Variants in SORBS2 observed in about 807,000 individuals in gnomAD.
SORBS2 encodes the protein sorbin and SH3 domain containing 2, also known as sorbin and SH3 domain-containing protein 2.
In SORBS2, 46 loss-of-function variants were observed where a neutral mutation model predicts 97.7. That is an observed-to-expected ratio of 0.47 (90% CI 0.37 to 0.60). SORBS2 has a LOEUF of 0.60. SORBS2 is among the 20% of genes least tolerant of loss of function. The probability of loss-of-function intolerance (pLI) is 0.00; values close to 1 mark genes in which losing one functional copy is unlikely to be tolerated. For synonymous variants in SORBS2, 476 were observed against 473.4 expected, an observed-to-expected ratio of 1.01 and a Z score of -0.07; for missense variants, 1,316 against 1,282.3, an observed-to-expected ratio of 1.03 and a Z score of -0.40.
At chr4:185,679,993 TG>T (rs2097847656) in intron 2 of SORBS2, among the ~76,000 whole-genome samples, 1 of 152,174 alleles carries the variant, frequency 6.6e-6, no homozygotes, top group African/African-American at 2.4e-5. Flanking sequence ...CCAGCTCAGG[TG>T]AGCTAGAGAA....
intron 2 of SORBS2, among the ~76,000 whole-genome samples, chr4:185,694,204 C>G (rs1404700220): frequency 1.3e-5 from 2 of 152,334 alleles, no homozygotes; most frequent in East Asian, 3.9e-4. Context: ...AATCTAATCT[C>G]TTTTGTTCTG....
At chr4:185,614,319 G>A (rs1049392188) in intron 11 of SORBS2, among the ~76,000 whole-genome samples, 6 of 151,428 alleles carry the variant, frequency 4.0e-5, no homozygotes, top group Non-Finnish European at 4.4e-5. Flanking sequence ...GAGAAATTTG[G>A]GTCAATTATG....
chr4:185,656,280 G>A (rs1205748089), intron 1 of SORBS2, among the ~76,000 whole-genome samples: 1 of 152,016 alleles, frequency 6.6e-6, no homozygotes. Flanking sequence ...TTACTTTTTG[G>A]CTTTCAATTG....
At chr4:185,861,323 G>A (rs1396468365) in intron 1 of SORBS2, among the ~76,000 whole-genome samples, 1 of 135,142 alleles carries the variant, frequency 7.4e-6, no homozygotes, top group Non-Finnish European at 1.6e-5. Context: ...AATGGGGGGT[G>A]GGGTCCATCA....
chr4:185,829,018 A>T (rs777079097), intron 1 of SORBS2, among the ~76,000 whole-genome samples: 3 of 152,220 alleles, frequency 2.0e-5, no homozygotes, highest in Admixed American at 1.3e-4. Flanking sequence ...TGACACATAC[A>T]TATTTTGGAA....
chr4:185,814,577 C>CAAACAAAT (rs2153668921), intron 1 of SORBS2, among the ~76,000 whole-genome samples: 2 of 147,216 alleles, frequency 1.4e-5, no homozygotes, highest in African/African-American at 5.0e-5. Flanking sequence ...AACAAACAAA[C>CAAACAAAT]AAATATCTGA....
intron 2 of SORBS2, among the ~76,000 whole-genome samples, chr4:185,650,809 T>C (rs1403524871): frequency 1.3e-5 from 2 of 152,144 alleles, no homozygotes; most frequent in Non-Finnish European, 2.9e-5. Context: ...GAAACATCTT[T>C]GTGGGCCTGA....
chr4:185,911,147 C>T (rs192106018), intron 1 of SORBS2, among the ~76,000 whole-genome samples: 1 of 152,288 alleles, frequency 6.6e-6, no homozygotes, highest in Non-Finnish European at 1.5e-5. Context: ...TTCTACTGAG[C>T]TACATTTCCT....
At chr4:185,710,047 T>C (rs1009870358) in intron 2 of SORBS2, 5 of 152,192 alleles carry the variant, frequency 3.3e-5, no homozygotes, top group Non-Finnish European at 7.4e-5. Context: ...CTCGGTTTCC[T>C]CATCTGTAAA....
chr4:185,742,440 T>TC (rs1462928981), intron 2 of SORBS2, among the ~76,000 whole-genome samples: 3 of 152,300 alleles, frequency 2.0e-5, no homozygotes, highest in Non-Finnish European at 2.9e-5. Flanking sequence ...ATCCGTTTGT[T>TC]CATTCCTTCA....
chr4:185,665,968 A>G, intron 4 of SORBS2: 1 of 1,261,380 alleles, frequency 7.9e-7, no homozygotes, highest in Non-Finnish European at 1.0e-6. Context: ...AGCTGGGAGC[A>G]GGTGTTTGTA....
At chr4:185,620,358 G>A (rs953981716) in intron 7 of SORBS2, among the ~76,000 whole-genome samples, 3 of 152,080 alleles carry the variant, frequency 2.0e-5, no homozygotes, top group Non-Finnish European at 4.4e-5. Context: ...AAATATCTGA[G>A]GTTGCAGAAT....
chr4:185,597,820 T>C (rs2096149458), intron 12 of SORBS2, among the ~76,000 whole-genome samples: 1 of 152,332 alleles, frequency 6.6e-6, no homozygotes, highest in African/African-American at 2.4e-5. Flanking sequence ...GAGAGTTGTT[T>C]CTGCTTTATC....
In SORBS2 at chr4:185,881,533, G is replaced by GA. The variant is rs1487660767; in HGVS notation, c.-338+74662dup. ...AAAAAGAAAGGCATCTACAAGTGGT[G>GA]AAAAATTTAGGCTAACCATAAATCT... is the stretch of plus-strand genomic sequence containing the variant. On this transcript the variant is annotated intron_variant, in intron 1 of 20. Coordinates refer to the SORBS2 transcript ENST00000284776. Among the ~76,000 whole-genome samples, 186 of 152,270 alleles carry GA rather than the reference G, an allele frequency of 1.2e-3. 3 individuals are homozygous for GA. Among genetic ancestry groups the GA allele is most frequent in the African/African-American group, 4.2e-3 (175 of 41,560 alleles).
chr4:185,768,698 C>CAAAAAAAAAAAAA (rs1207578871), intron 2 of SORBS2, among the ~76,000 whole-genome samples: 1 of 84,782 alleles, frequency 1.2e-5, no homozygotes, highest in Non-Finnish European at 2.4e-5. Context: ...GACTCTGTCT[C>CAAAAAAAAAAAAA]AAAAAAAAAA....
chr4:185,658,048 A>G (rs2097437947), upstream of SORBS2, among the ~76,000 whole-genome samples: 1 of 152,202 alleles, frequency 6.6e-6, no homozygotes, highest in Non-Finnish European at 1.5e-5. Flanking sequence ...ACTATTATTT[A>G]TAGGTTTTGA....
At chr4:185,618,621 G>A in exon 9 of SORBS2, 1 of 1,535,126 alleles carries the variant, frequency 6.5e-7, no homozygotes. Flanking sequence ...AACAGCTTTT[G>A]CAGGCAATTT....
At chr4:185,873,790 TTAAC>T (rs1380274960) in intron 1 of SORBS2, among the ~76,000 whole-genome samples, 2 of 152,186 alleles carry the variant, frequency 1.3e-5, no homozygotes, top group African/African-American at 4.8e-5. Context: ...CCAAAATATG[TTAAC>T]TATTCTATTA....
intron 4 of SORBS2, chr4:185,638,895 CG>C: frequency 1.4e-6 from 2 of 1,480,536 alleles, no homozygotes; most frequent in Non-Finnish European, 1.8e-6. Context: ...GAGACAGAGC[CG>C]GGGCGCGCGA....
Sources: allele counts gnomAD v4.1 joint callset (sites outside exome capture counted in the v4.1 genomes callset), GRCh38; gene constraint gnomAD v4.1.1; transcripts MANE v1.5; gene names NCBI Gene and HGNC (gene_info 2026-07-23, HGNC 2026-07-21).